TNFSF8: variants seen among roughly 807,000 people sequenced by gnomAD.
The protein encoded by TNFSF8 is TNF superfamily member 8.
A neutral mutation model predicts 22.0 loss-of-function variants in TNFSF8; 4 were observed. The ratio of observed to expected loss-of-function variants is 0.18; its 90% confidence interval spans 0.09 to 0.42. The LOEUF (loss-of-function observed/expected upper bound fraction) is 0.42. Ranked by LOEUF, TNFSF8 falls within the 10% of genes least tolerant of loss-of-function variation. The probability of loss-of-function intolerance (pLI) is 1.00; values close to 1 mark genes in which losing one functional copy is unlikely to be tolerated. For missense variants in TNFSF8, 233 were observed against 281.8 expected (o/e 0.83, Z 1.24); for synonymous variants, 106 against 112.5 (o/e 0.94, Z 0.37).
At chr9:114,905,090 C>G (rs1033697404) in intron 3 of TNFSF8, among the ~76,000 whole-genome samples, 11 of 152,220 alleles carry the variant, frequency 7.2e-5, no homozygotes, top group Admixed American at 3.9e-4. Flanking sequence ...TGAAAATTAG[C>G]ACTGACTGGT....
chr9:114,901,648 G>GT lies in TNFSF8; in HGVS notation c.*2282dup, dbSNP rs1208187073. On this transcript the variant is annotated 3_prime_UTR_variant, in exon 4 of 4. Transcript: ENST00000223795. ...TGACTCAAATGCCAGCCATTTCCCT[G>GT]TTTTTTTAGCCTTGAGTCTCAAAGT... 5.1e-6 allele frequency: 5 copies of GT among 985,210 alleles called. No individual in the cohort carries two copies. The African/African-American group carries it at 5.2e-5, about 10-fold the overall frequency. The allele number at this position is 985,210 out of a possible 1,614,324, so 61.0% of individuals were successfully genotyped here.
At chr9:114,910,822 A>T (rs1001716233) in intron 2 of TNFSF8, among the ~76,000 whole-genome samples, 1 of 152,218 alleles carries the variant, frequency 6.6e-6, no homozygotes, top group African/African-American at 2.4e-5. Flanking sequence ...TTCCAGATGT[A>T]CAGCACCTTT....
intron 2 of TNFSF8, among the ~76,000 whole-genome samples, chr9:114,913,648 C>A (rs575183805): frequency 6.6e-6 from 1 of 152,272 alleles, no homozygotes; most frequent in Admixed American, 6.5e-5. Context: ...ACAATACAAT[C>A]CCAGCTAAGC....
intron 1 of TNFSF8, among the ~76,000 whole-genome samples, chr9:114,921,958 G>A (rs1827994276): frequency 6.6e-6 from 1 of 152,172 alleles, no homozygotes; most frequent in East Asian, 1.9e-4. Flanking sequence ...GAATGGTCAT[G>A]TTTAACCTGT....
At position 114,921,675 on chromosome 9, in the gene TNFSF8, G is replaced by T. The variant is rs149420319; in HGVS notation, c.196-3537C>A. ...GTCCTAGAATTCTCTCCCTAATCTT[G>T]TCTGGGGATCTGGGTCCTAGCTCAG... On this transcript the variant is annotated intron_variant, in intron 1 of 3. Transcript: ENST00000223795. Among the ~76,000 whole-genome samples the T allele has an allele frequency of 1.6e-4, 24 of 152,314 alleles. No homozygotes were observed. The East Asian group carries it at 4.6e-3, about 29-fold the overall frequency.
At position 114,902,641 on chromosome 9, in the gene TNFSF8, T is replaced by C; in HGVS notation, c.*1290A>G. On this transcript the variant is annotated 3_prime_UTR_variant, in exon 4 of 4. Coordinates refer to ENST00000223795, the MANE Select transcript of TNFSF8 (RefSeq NM_001244.4). ...ATATTCTGGCTCTGCTGAGATGAGATGCAGTCAGGTGTTACTAGTGTCTTC... is the reference window on the plus strand; with the variant it reads ...ATATTCTGGCTCTGCTGAGATGAGACGCAGTCAGGTGTTACTAGTGTCTTC... 1.0e-6 allele frequency: 1 copy of C among 985,364 alleles called. No homozygotes were observed. The highest frequency in any genetic ancestry group is 1.1e-4 in the East Asian group (1 of 8,786). 61.0% of individuals were successfully genotyped at this position (985,364 alleles called of 1,614,324 possible).
rs76948472 is a variant in TNFSF8 at position 114,901,328 on chromosome 9, T to C, written c.*2603A>G. On this transcript the variant is annotated 3_prime_UTR_variant, in exon 4 of 4. Transcript: ENST00000223795. ...TTGAGTTATTAATGATTATTCTCTT[T>C]TTTTGTTTGTTTGGTTACATTATTC... The C allele has an allele frequency of 9.1e-6, 9 of 985,290 alleles. No homozygotes were observed. The African/African-American group carries it at 1.4e-4, about 15-fold the overall frequency. 61.0% of individuals were successfully genotyped at this position (985,290 alleles called of 1,614,324 possible).
rs1828029613 is a variant in TNFSF8, at chr9:114,924,260, A to G, written c.195+5849T>C. On this transcript the variant is annotated intron_variant, in intron 1 of 3. Transcript: ENST00000223795. Reference sequence around the variant, plus strand: ...TGAATTTCTAACAAGGCCCAGGACCACACTTTAAAAAGCAAAGTTCTAGAT... The same window carrying G: ...TGAATTTCTAACAAGGCCCAGGACCGCACTTTAAAAAGCAAAGTTCTAGAT... 2.6e-5 allele frequency among the ~76,000 whole-genome samples: 4 copies of G among 152,226 alleles called. No individual in the cohort carries two copies. The South Asian group carries it at 8.3e-4, about 31-fold the overall frequency.
chr9:114,912,657 C>T (rs190469389), intron 2 of TNFSF8, among the ~76,000 whole-genome samples: 341 of 152,316 alleles, frequency 2.2e-3, no homozygotes, highest in African/African-American at 7.6e-3. Context: ...CCAAAGTGCA[C>T]GTTGCCTCTT....
At chr9:114,917,420 T>A (rs1335193360) in intron 2 of TNFSF8, among the ~76,000 whole-genome samples, 1 of 152,196 alleles carries the variant, frequency 6.6e-6, no homozygotes, top group Non-Finnish European at 1.5e-5. Context: ...GTCTTCCTTT[T>A]CCTTCTCTGA....
intron 3 of TNFSF8, 148 bp from the exon 4 acceptor site, chr9:114,904,473 C>T (rs35630751): frequency 8.4e-7 from 1 of 1,185,140 alleles, no homozygotes; most frequent in South Asian, 1.6e-5. Flanking sequence ...GTTACTCCCT[C>T]TAGAGTCTAC....
In TNFSF8 at chr9:114,901,484, G is replaced by A. The variant is rs1490710161; in HGVS notation, c.*2447C>T. ...GCTCAGAGAACAGTTGGTGAAAAAT[G>A]AAAATGGAATCTTTCTCGAGTTAGA... On this transcript the variant is annotated 3_prime_UTR_variant, in exon 4 of 4. Coordinates refer to ENST00000223795, the MANE Select transcript of TNFSF8 (RefSeq NM_001244.4). 2 of 985,242 alleles carry A rather than the reference G, an allele frequency of 2.0e-6. No individual in the cohort carries two copies. The highest frequency in any genetic ancestry group is 2.4e-6 in the Non-Finnish European group (2 of 829,914). 61.0% of individuals were successfully genotyped at this position (985,242 alleles called of 1,614,324 possible). A position where few individuals can be genotyped will look rare whatever the true frequency, so the allele number is the denominator to read the frequency against.
intron 4 of TNFSF8, among the ~76,000 whole-genome samples, chr9:114,895,177 A>T (rs1319996866): frequency 1.3e-5 from 2 of 152,198 alleles, no homozygotes; most frequent in Admixed American, 6.5e-5. Flanking sequence ...CTGCCTGGTA[A>T]TTCCCTCTTC....
intron 2 of TNFSF8, among the ~76,000 whole-genome samples, chr9:114,909,633 T>G (rs1017590003): frequency 6.6e-5 from 10 of 152,210 alleles, no homozygotes; most frequent in African/African-American, 2.4e-4. Flanking sequence ...GCAGGCTGTA[T>G]AGACTCAGCC....
chr9:114,909,114 A>G (rs1827821454), intron 2 of TNFSF8, among the ~76,000 whole-genome samples: 1 of 152,228 alleles, frequency 6.6e-6, no homozygotes, highest in Admixed American at 6.5e-5. Flanking sequence ...TGCTCAAAAA[A>G]GAGGTGGGCT....
intron 1 of TNFSF8, among the ~76,000 whole-genome samples, chr9:114,920,452 C>A (rs182844354): frequency 3.2e-4 from 48 of 152,268 alleles, no homozygotes; most frequent in Admixed American, 3.0e-3. Context: ...CACTAAAAGA[C>A]ATCCTATGGA....
At chr9:114,913,862 C>G (rs996509240) in intron 2 of TNFSF8, among the ~76,000 whole-genome samples, 2 of 152,182 alleles carry the variant, frequency 1.3e-5, no homozygotes, top group Admixed American at 1.3e-4. Flanking sequence ...CATAGTGATG[C>G]CTGTCAACGT....
intron 2 of TNFSF8, 40 bp downstream of exon 2, chr9:114,918,056 A>G (rs1345597947): frequency 6.4e-7 from 1 of 1,566,064 alleles, no homozygotes; most frequent in South Asian, 1.2e-5. Flanking sequence ...ATTTATCTAG[A>G]TGACTTACTA....
intron 1 of TNFSF8, among the ~76,000 whole-genome samples, chr9:114,925,065 G>C (rs571927856): frequency 3.3e-5 from 5 of 152,332 alleles, no homozygotes; most frequent in African/African-American, 1.2e-4. Context: ...CCATGTTCAA[G>C]AGGCTAAAGA....
Sources: allele counts gnomAD v4.1 joint callset (sites outside exome capture counted in the v4.1 genomes callset), GRCh38; gene constraint gnomAD v4.1.1; transcripts MANE v1.5; gene names NCBI Gene and HGNC (gene_info 2026-07-23, HGNC 2026-07-21).